THSD4: variants seen among roughly 807,000 people sequenced by gnomAD.
The protein encoded by THSD4 is thrombospondin type-1 domain-containing protein 4.
THSD4 carries 69 observed loss-of-function variants against 119.0 expected under a neutral mutation model. The ratio of observed to expected loss-of-function variants is 0.58; its 90% CI spans 0.48 to 0.71. The LOEUF is 0.71. Ranked by LOEUF, THSD4 falls within the 30% of genes least tolerant of loss-of-function variation. The pLI, the probability that THSD4 is intolerant of heterozygous loss-of-function variation, is 0.00. For missense variants in THSD4, 1,393 were observed against 1,391.1 expected (o/e 1.00, Z -0.02); for synonymous variants, 524 against 540.4 (o/e 0.97, Z 0.42).
chr15:71,309,344 A>C (rs777670542), intron 6 of THSD4, among the ~76,000 whole-genome samples: 2 of 152,164 alleles, frequency 1.3e-5, no homozygotes, highest in African/African-American at 2.4e-5. Context: ...CTATCTATAA[A>C]TTAGGTTGCC....
chr15:71,362,698 G>T (rs958360987), intron 6 of THSD4, among the ~76,000 whole-genome samples: 3 of 152,148 alleles, frequency 2.0e-5, no homozygotes, highest in Admixed American at 6.5e-5. Flanking sequence ...CATGGTCCCG[G>T]TGCTATGCTC....
At chr15:71,376,308 A>G (rs1408621182) in intron 6 of THSD4, among the ~76,000 whole-genome samples, 1 of 152,134 alleles carries the variant, frequency 6.6e-6, no homozygotes, top group Non-Finnish European at 1.5e-5. Context: ...TCATGCTCTG[A>G]ATTTTTAGGA....
chr15:71,608,093 G>A (rs1295289558), intron 7 of THSD4, among the ~76,000 whole-genome samples: 1 of 151,782 alleles, frequency 6.6e-6, no homozygotes, highest in Non-Finnish European at 1.5e-5. Flanking sequence ...CGTGGTGGCA[G>A]GCACCTGTAA....
At chr15:71,553,306 C>T (rs2048960533) in intron 7 of THSD4, among the ~76,000 whole-genome samples, 1 of 150,300 alleles carries the variant, frequency 6.7e-6, no homozygotes, top group East Asian at 1.9e-4. Flanking sequence ...TGAATGTGAA[C>T]GTTCCTGTCT....
At chr15:71,717,437 G>A (rs539564114) in intron 8 of THSD4, among the ~76,000 whole-genome samples, 1 of 152,162 alleles carries the variant, frequency 6.6e-6, no homozygotes, top group South Asian at 2.1e-4. Flanking sequence ...GGATAGCCAG[G>A]GACTGATGGT....
At chr15:71,174,026 G>A (rs559510697) in intron 3 of THSD4, among the ~76,000 whole-genome samples, 16 of 152,104 alleles carry the variant, frequency 1.1e-4, no homozygotes, top group Non-Finnish European at 1.6e-4. Context: ...ATTAGTTTTG[G>A]CAGTGATTTC....
intron 7 of THSD4, among the ~76,000 whole-genome samples, chr15:71,608,472 CATGAT>C (rs1269419304): frequency 2.0e-5 from 3 of 152,290 alleles, no homozygotes; most frequent in Non-Finnish European, 4.4e-5. Flanking sequence ...CTCTTACACA[CATGAT>C]ATGAGCATGC....
chr15:71,298,862 C>G (rs538987783), intron 6 of THSD4, among the ~76,000 whole-genome samples: 32 of 152,350 alleles, frequency 2.1e-4, no homozygotes, highest in African/African-American at 7.5e-4. Flanking sequence ...ATCCACCGGC[C>G]TCGGCCTCCC....
intron 5 of THSD4, among the ~76,000 whole-genome samples, chr15:71,249,459 A>G (rs1160554800): frequency 6.6e-6 from 1 of 150,966 alleles, no homozygotes; most frequent in Non-Finnish European, 1.5e-5. Flanking sequence ...AGAATTGTTA[A>G]CAGTTGTCAT....
At chr15:71,363,635 A>C (rs1349917729) in intron 6 of THSD4, among the ~76,000 whole-genome samples, 1 of 152,244 alleles carries the variant, frequency 6.6e-6, no homozygotes, top group Non-Finnish European at 1.5e-5. Flanking sequence ...GATTTTATTT[A>C]ACTCATTAAT....
intron 6 of THSD4, among the ~76,000 whole-genome samples, chr15:71,393,090 T>A (rs1319649042): frequency 6.6e-6 from 1 of 152,216 alleles, no homozygotes; most frequent in Non-Finnish European, 1.5e-5. Flanking sequence ...TGGGATGGAT[T>A]GACGTCTTTT....
intron 6 of THSD4, among the ~76,000 whole-genome samples, chr15:71,319,710 C>T (rs1248050424): frequency 6.6e-6 from 1 of 151,940 alleles, no homozygotes; most frequent in Non-Finnish European, 1.5e-5. Flanking sequence ...AATAAACATA[C>T]GTGTGCATGT....
intron 4 of THSD4, among the ~76,000 whole-genome samples, chr15:71,218,461 T>C (rs1459269699): frequency 6.6e-6 from 1 of 152,182 alleles, no homozygotes; most frequent in African/African-American, 2.4e-5. Flanking sequence ...CTGCAGGCAT[T>C]GTGCCTGTGT....
intron 4 of THSD4, among the ~76,000 whole-genome samples, chr15:71,231,291 A>G (rs1253675231): frequency 1.3e-5 from 2 of 152,110 alleles, no homozygotes; most frequent in African/African-American, 4.8e-5. Context: ...TTTTATTCTT[A>G]AGGTTGCTGC....
chr15:71,381,026 C>T (rs1412033678), intron 6 of THSD4, among the ~76,000 whole-genome samples: 1 of 152,120 alleles, frequency 6.6e-6, no homozygotes, highest in African/African-American at 2.4e-5. Context: ...TTTTGATTGT[C>T]TTCCTAGGAT....
chr15:71,472,338 GT>G (rs752177049), intron 7 of THSD4, among the ~76,000 whole-genome samples: 1 of 152,166 alleles, frequency 6.6e-6, no homozygotes, highest in Non-Finnish European at 1.5e-5. Flanking sequence ...TAACTAGTAT[GT>G]ATTAGGCCTT....
intron 6 of THSD4, among the ~76,000 whole-genome samples, chr15:71,338,579 G>A (rs952742579): frequency 7.9e-5 from 12 of 152,134 alleles, no homozygotes; most frequent in Non-Finnish European, 2.9e-5. Context: ...GAGGTTAGGA[G>A]GTAGTTGACA....
rs1401813779 is a variant in THSD4 at position 71,421,152 on chromosome 15, C to G, written c.1152+9329C>G. Among the ~76,000 whole-genome samples the G allele has an allele frequency of 1.4e-4, 3 of 21,734 alleles. 1 individual carries two copies. The highest frequency in any genetic ancestry group is 3.6e-3 in the East Asian group (2 of 548). The allele number at this position is 21,734 out of a possible 152,430, so 14.3% of individuals were successfully genotyped here. ...CCAGCCTGGGTGATGGAGTGAGACT[C>G]CGTCTCAAAAAAAAAAAAAAAAAAA... is the stretch of plus-strand genomic sequence containing the variant. On this transcript the variant is annotated intron_variant, in intron 7 of 17. Transcript: ENST00000261862.
At position 71,417,221 on chromosome 15, in the gene THSD4, A is replaced by C. The variant is rs529905793; in HGVS notation, c.1152+5398A>C. On this transcript the variant is annotated intron_variant, in intron 7 of 17. Transcript: ENST00000261862. ...TTGTTGATTATTTTCTTTGCTGTGC[A>C]GAAACTTTTTAACTTGATGTGGTCT... is the stretch of plus-strand genomic sequence containing the variant. Among the ~76,000 whole-genome samples, 6 of 108,216 alleles carry C rather than the reference A, an allele frequency of 5.5e-5. 1 individual carries two copies. The highest frequency in any genetic ancestry group is 1.2e-4 in the Non-Finnish European group (6 of 49,260). 71.0% of individuals were successfully genotyped at this position (108,216 alleles called of 152,430 possible).
Sources: gnomAD v4.1 joint callset for allele counts (sites outside exome capture counted in the v4.1 genomes callset) on GRCh38, gnomAD v4.1.1 for gene constraint, MANE v1.5 for transcripts, NCBI Gene and HGNC (gene_info 2026-07-23, HGNC 2026-07-21) for gene names.